Variants in B4GALT5 observed in about 807,000 individuals in gnomAD.
B4GALT5 encodes UDP-Gal:beta-GlcNAc beta-1,4-galactosyltransferase 5.
In B4GALT5, 11 loss-of-function variants were observed where a neutral mutation model predicts 45.0. The observed-to-expected ratio is 0.24, with a 90% CI of 0.15 to 0.40. The LOEUF (loss-of-function observed/expected upper bound fraction) is 0.40. Among genes scored for constraint, B4GALT5 ranks in the 10% least tolerant of loss-of-function variants. The probability of loss-of-function intolerance (pLI) is 1.00; values close to 1 mark genes in which losing one functional copy is unlikely to be tolerated. For synonymous variants in B4GALT5, 185 were observed against 182.9 expected, an observed-to-expected ratio of 1.01 and a Z score of -0.09; for missense variants, 337 against 500.2, an observed-to-expected ratio of 0.67 and a Z score of 3.11.
chr20:49,634,524 T>G lies in B4GALT5; in HGVS notation c.*1788A>C, dbSNP rs1437006833. ...GAGACTACAATTTGAGGGCTTTGGT[T>G]TGGGGAAAAACAAAGAGGCACAAAT... On this transcript the variant is annotated 3_prime_UTR_variant, in exon 9 of 9. Coordinates refer to ENST00000371711, the MANE Select transcript of B4GALT5 (RefSeq NM_004776.4). 3 of 152,026 alleles carry G rather than the reference T, an allele frequency of 2.0e-5. No individual in the cohort carries two copies. The highest frequency in any genetic ancestry group is 2.9e-5 in the Non-Finnish European group (2 of 67,998). 9.4% of individuals were successfully genotyped at this position (152,026 alleles called of 1,614,324 possible).
At chr20:49,660,209 C>A (rs1451997786) in intron 1 of B4GALT5, among the ~76,000 whole-genome samples, 1 of 152,200 alleles carries the variant, frequency 6.6e-6, no homozygotes, top group East Asian at 1.9e-4. Context: ...GTTGTGACCA[C>A]ACTAACGGAG....
rs2085554159 is a variant in B4GALT5 at position 49,636,403 on chromosome 20, A to G, written c.1076T>C (p.Leu359Pro). Residue 359 changes from leucine (L) to proline (P), a missense_variant, in exon 9 of 9, where the codon CTG (leucine) becomes CCG (proline). Leu to Pro is a moderately conservative substitution (Grantham distance 98). This residue lies in a region of B4GALT5 where 163 missense variants were observed against 292.8 expected (regional missense o/e 0.56). Transcript: ENST00000371711. ...ERQGLDGLNN[L>P]NYFANITYDA... ...GTATGTGATGTTTGCAAAGTAGTTC[A>G]GGTTGTTGAGGCCATCCAGCCCTTG... 6.2e-7 allele frequency: 1 copy of G among 1,613,994 alleles called. No homozygotes were observed. The highest frequency in any genetic ancestry group is 1.3e-5 in the African/African-American group (1 of 74,908).
chr20:49,636,001 G>A lies in B4GALT5; in HGVS notation c.*311C>T. ...CAGATCACAGTTCATCATGGGTTCT[G>A]GAGACTGCGGCTAAGACAGGATGTG... On this transcript the variant is annotated 3_prime_UTR_variant, in exon 9 of 9. Transcript: ENST00000371711. 2 of 345,736 alleles carry A rather than the reference G, an allele frequency of 5.8e-6. No individual in the cohort carries two copies. The highest frequency in any genetic ancestry group is 5.3e-5 in the South Asian group (2 of 37,414). The allele number at this position is 345,736 out of a possible 1,614,324, so 21.4% of individuals were successfully genotyped here.
intron 1 of B4GALT5, among the ~76,000 whole-genome samples, chr20:49,662,947 G>GT (rs1316234786): frequency 6.6e-6 from 1 of 152,174 alleles, no homozygotes; most frequent in Non-Finnish European, 1.5e-5. Flanking sequence ...GAAAACATTT[G>GT]TTATAGTCCA....
chr20:49,638,885 T>C (rs1368846083), intron 7 of B4GALT5, among the ~76,000 whole-genome samples: 1 of 152,192 alleles, frequency 6.6e-6, no homozygotes, highest in East Asian at 1.9e-4. Context: ...TTACAGTACA[T>C]CTATATAACC....
rs997538690 is a variant in B4GALT5, at chr20:49,633,019, A to C, written c.*3293T>G. The C allele has an allele frequency of 1.0e-4, 16 of 152,676 alleles. No homozygotes were observed. The highest frequency in any genetic ancestry group is 3.9e-4 in the African/African-American group (16 of 41,470). 9.5% of individuals were successfully genotyped at this position (152,676 alleles called of 1,614,324 possible). A position where few individuals can be genotyped will look rare whatever the true frequency, so the allele number is the denominator to read the frequency against. The stretch of plus-strand genomic sequence containing the variant: ...ACATACAAAAATGTACAAACACATG[A>C]GTAAATAATGTAATGACAAAGGACT... On this transcript the variant is annotated 3_prime_UTR_variant, in exon 9 of 9. Coordinates refer to ENST00000371711, the MANE Select transcript of B4GALT5 (RefSeq NM_004776.4).
intron 1 of B4GALT5, among the ~76,000 whole-genome samples, chr20:49,713,334 G>A (rs1419447154): frequency 6.6e-6 from 1 of 151,706 alleles, no homozygotes; most frequent in African/African-American, 2.4e-5. Flanking sequence ...GTTCGCGAGG[G>A]TGGCGTTAGG....
Position 49,636,217 on chromosome 20 carries a change from T to G in B4GALT5, c.*95A>C. The G allele has an allele frequency of 2.8e-6, 4 of 1,436,978 alleles. No homozygotes were observed. The highest frequency in any genetic ancestry group is 3.8e-6 in the Non-Finnish European group (4 of 1,046,618). 89.0% of individuals were successfully genotyped at this position (1,436,978 alleles called of 1,614,324 possible). On this transcript the variant is annotated 3_prime_UTR_variant, in exon 9 of 9. Transcript: ENST00000371711. The stretch of plus-strand genomic sequence containing the variant: ...CCTTCATGAGACACAGTATTTCTGT[T>G]CTCTTGCTGTGTAGACCCTCCCCCC...
chr20:49,644,625 C>T (rs2085591727), intron 3 of B4GALT5, among the ~76,000 whole-genome samples: 1 of 152,154 alleles, frequency 6.6e-6, no homozygotes, highest in African/African-American at 2.4e-5. Context: ...AGTTTTAGGC[C>T]TGTCAACGCC....
At chr20:49,660,350 A>T (rs1313233370) in intron 1 of B4GALT5, among the ~76,000 whole-genome samples, 4 of 152,222 alleles carry the variant, frequency 2.6e-5, no homozygotes, top group African/African-American at 2.4e-5. Context: ...CAAGGCCCAG[A>T]AATTCCCAGA....
chr20:49,637,207 CAACAGCTGTCA>C (rs1236071484), intron 8 of B4GALT5, 123 bp downstream of exon 8: 10 of 744,126 alleles, frequency 1.3e-5, no homozygotes, highest in South Asian at 1.1e-4. Flanking sequence ...AGAATACATG[CAACAGCTGTCA>C]AACAGCTGTC....
At chr20:49,699,390 C>A (rs1056436925) in intron 1 of B4GALT5, among the ~76,000 whole-genome samples, 28 of 129,102 alleles carry the variant, frequency 2.2e-4, no homozygotes, top group East Asian at 4.8e-4. Flanking sequence ...AAAAAAAAAA[C>A]CCCACTAGTC....
intron 1 of B4GALT5, among the ~76,000 whole-genome samples, chr20:49,707,524 T>C (rs2085889506): frequency 6.6e-6 from 1 of 152,104 alleles, no homozygotes; most frequent in Admixed American, 6.5e-5. Flanking sequence ...AAAAAAAGGC[T>C]ATTTTCAGAC....
intron 2 of B4GALT5, among the ~76,000 whole-genome samples, chr20:49,655,138 T>TA (rs796463302): frequency 0.017 from 2,274 of 134,912 alleles, 55 homozygotes; most frequent in African/African-American, 0.059. Context: ...CTCAAGAGAA[T>TA]AAAAAAAAAA....
rs118055641 is a variant in B4GALT5, at chr20:49,658,173, T to C, written c.116-1471A>G. Among the ~76,000 whole-genome samples, 541 of 152,278 alleles carry C rather than the reference T, an allele frequency of 3.6e-3. 4 individuals carry two copies. The highest frequency in any genetic ancestry group is 5.9e-3 in the Non-Finnish European group (398 of 68,020). ...TAGATCAGATATTGTGTTTATTCTC[T>C]AGTAGCTAGGAAAGATTTTAAGGAA... On this transcript the variant is annotated intron_variant, in intron 1 of 8. Coordinates refer to ENST00000371711, the MANE Select transcript of B4GALT5 (RefSeq NM_004776.4).
intron 1 of B4GALT5, among the ~76,000 whole-genome samples, chr20:49,681,315 T>A (rs1294968582): frequency 6.6e-6 from 1 of 151,644 alleles, no homozygotes; most frequent in Non-Finnish European, 1.5e-5. Flanking sequence ...AAATTCACGT[T>A]AAGAGTCAGA....
At chr20:49,671,266 C>G (rs561010041) in intron 1 of B4GALT5, among the ~76,000 whole-genome samples, 1 of 152,142 alleles carries the variant, frequency 6.6e-6, no homozygotes, top group South Asian at 2.1e-4. Context: ...GTAACCCCAG[C>G]TACTCAGGAG....
intron 4 of B4GALT5, among the ~76,000 whole-genome samples, 157 bp downstream of exon 4, chr20:49,643,369 T>C (rs2085584913): frequency 6.6e-6 from 1 of 152,206 alleles, no homozygotes; most frequent in African/African-American, 2.4e-5. Context: ...AAAAGAGTCC[T>C]TGTGGAAACC....
intron 1 of B4GALT5, among the ~76,000 whole-genome samples, chr20:49,675,367 G>T (rs914313434): frequency 6.6e-6 from 1 of 152,162 alleles, no homozygotes; most frequent in African/African-American, 2.4e-5. Flanking sequence ...TTAAATTATG[G>T]TGTCCTGTAA....
Sources: gnomAD v4.1 joint callset for allele counts (sites outside exome capture counted in the v4.1 genomes callset) on GRCh38, gnomAD v4.1.1 for gene constraint, gnomAD v4.1.1 regional missense constraint, MANE v1.5 for transcripts, NCBI Gene and HGNC (gene_info 2026-07-23, HGNC 2026-07-21) for gene names.